THSD7B: variants seen among roughly 807,000 people sequenced by gnomAD.
THSD7B encodes thrombospondin type 1 domain containing 7B, also known as thrombospondin type-1 domain-containing protein 7B.
A neutral mutation model predicts 213.6 loss-of-function variants in THSD7B; 138 were observed. The ratio of observed to expected loss-of-function variants is 0.65; its 90% CI spans 0.56 to 0.74. The LOEUF (loss-of-function observed/expected upper bound fraction) is 0.74, where lower values mean the gene tolerates loss of function less well. Ranked by LOEUF, THSD7B falls within the 30% of genes least tolerant of loss-of-function variation. The probability of loss-of-function intolerance (pLI) is 0.00; values close to 1 mark genes in which losing one functional copy is unlikely to be tolerated. For synonymous variants in THSD7B, 742 were observed against 687.0 expected (o/e 1.08, Z -1.25); for missense variants, 1,931 against 1,991.5 (o/e 0.97, Z 0.58).
chr2:137,605,742 C>T (rs1390302898), intron 17 of THSD7B, among the ~76,000 whole-genome samples: 3 of 137,864 alleles, frequency 2.2e-5, no homozygotes, highest in Non-Finnish European at 4.6e-5. Flanking sequence ...GATCTCAGCT[C>T]ACTGCAACTT....
chr2:137,463,161 G>A (rs956866231), intron 15 of THSD7B, among the ~76,000 whole-genome samples: 4 of 152,138 alleles, frequency 2.6e-5, no homozygotes, highest in African/African-American at 9.7e-5. Context: ...CGATTGTCAT[G>A]TAAATAAAGA....
At chr2:137,203,062 T>C (rs1680911999) in intron 7 of THSD7B, among the ~76,000 whole-genome samples, 1 of 152,040 alleles carries the variant, frequency 6.6e-6, no homozygotes, top group East Asian at 1.9e-4. Context: ...AGTATTTTGT[T>C]TGGCTTTTTT....
intron 2 of THSD7B, among the ~76,000 whole-genome samples, chr2:136,922,078 T>C (rs1684446578): frequency 6.6e-6 from 1 of 152,222 alleles, no homozygotes; most frequent in Admixed American, 6.5e-5. Context: ...CCCTTCACTG[T>C]CTGTCCTCTT....
At chr2:137,160,782 C>G (rs1454127061) in intron 6 of THSD7B, among the ~76,000 whole-genome samples, 1 of 152,136 alleles carries the variant, frequency 6.6e-6, no homozygotes, top group Non-Finnish European at 1.5e-5. Context: ...TGCAACCAAG[C>G]CCTGCTAATT....
chr2:137,448,786 G>A (rs944376212), intron 14 of THSD7B, among the ~76,000 whole-genome samples: 16 of 149,184 alleles, frequency 1.1e-4, no homozygotes, highest in South Asian at 6.3e-4. Flanking sequence ...GCGACAGAGC[G>A]AGACTCCATC....
chr2:137,291,763 G>C (rs10210236), intron 12 of THSD7B, among the ~76,000 whole-genome samples: 1 of 151,768 alleles, frequency 6.6e-6, no homozygotes, highest in Non-Finnish European at 1.5e-5. Context: ...AGAATGAGAT[G>C]ATGAGAAAAT....
intron 2 of THSD7B, among the ~76,000 whole-genome samples, chr2:137,021,350 T>C (rs901585878): frequency 3.3e-5 from 5 of 152,240 alleles, no homozygotes; most frequent in African/African-American, 1.2e-4. Flanking sequence ...AAGTGCAGTT[T>C]TGTTACATGG....
intron 14 of THSD7B, among the ~76,000 whole-genome samples, chr2:137,419,442 G>T (rs2105024084): frequency 1.4e-5 from 2 of 143,888 alleles, no homozygotes; most frequent in Non-Finnish European, 3.1e-5. Flanking sequence ...AGAGAATAAT[G>T]TTACTGAGTG....
intron 2 of THSD7B, among the ~76,000 whole-genome samples, chr2:137,029,399 A>G (rs1686617526): frequency 1.3e-5 from 2 of 152,070 alleles, no homozygotes; most frequent in South Asian, 4.1e-4. Context: ...TGGGTAAAAA[A>G]TATCCCATTT....
chr2:137,456,983 G>T (rs1033831669), intron 15 of THSD7B, among the ~76,000 whole-genome samples: 4 of 152,072 alleles, frequency 2.6e-5, no homozygotes, highest in African/African-American at 9.7e-5. Flanking sequence ...CTCAAGTTGT[G>T]GCATTGCACT....
At chr2:137,075,530 A>G (rs199923226) in intron 3 of THSD7B, among the ~76,000 whole-genome samples, 1 of 151,918 alleles carries the variant, frequency 6.6e-6, no homozygotes, top group Non-Finnish European at 1.5e-5. Context: ...CATTGGTTCG[A>G]ATTTCCTCCT....
At chr2:137,368,346 C>CT (rs968263702) in intron 12 of THSD7B, among the ~76,000 whole-genome samples, 51 of 151,590 alleles carry the variant, frequency 3.4e-4, no homozygotes, top group African/African-American at 1.2e-3. Context: ...CCTTTTCTCT[C>CT]TTTTTTCACT....
chr2:137,539,468 T>G (rs936204062), intron 15 of THSD7B, among the ~76,000 whole-genome samples: 1 of 151,740 alleles, frequency 6.6e-6, no homozygotes, highest in Non-Finnish European at 1.5e-5. Context: ...CCTTCTGTTA[T>G]GTCTAAGCTT....
chr2:137,534,163 T>TA (rs1373893255), intron 15 of THSD7B, among the ~76,000 whole-genome samples: 1 of 151,722 alleles, frequency 6.6e-6, no homozygotes, highest in Non-Finnish European at 1.5e-5. Flanking sequence ...GATCTAGGTT[T>TA]ATTCTTTTAG....
chr2:137,057,208 G>C lies in THSD7B; in HGVS notation c.928G>C (p.Asp310His). Residue 310 changes from aspartate (D) to histidine (H), a missense_variant, in exon 3 of 28, where the codon GAT becomes CAT. By Grantham distance (81) the Asp-to-His change is moderately conservative. Transcript: ENST00000409968. ...QTRQVSCTRS[D>H]GQNAMLSLCL... ...CCGGCAGGTTTCGTGTACAAGAAGT[G>C]ATGGACAAAATGCTATGTTAAGGTA... 1 of 1,612,770 alleles carries C rather than the reference G, an allele frequency of 6.2e-7. No homozygotes were observed. The highest frequency in any genetic ancestry group is 8.5e-7 in the Non-Finnish European group (1 of 1,179,148).
Position 136,811,797 on chromosome 2 carries a change from C to A in THSD7B, c.-36+46110C>A, listed in dbSNP as rs1682381065. ...GTTCTGCTGAAATGTTTCTACATGG[C>A]AGCACAGGGGCCTCTTTTGCACATG... On this transcript the variant is annotated intron_variant, in intron 1 of 27. Coordinates refer to ENST00000409968, the MANE Select transcript of THSD7B (RefSeq NM_001316349.2). Among the ~76,000 whole-genome samples, 4 of 152,166 alleles carry A rather than the reference C, an allele frequency of 2.6e-5. No individual in the cohort carries two copies. In the South Asian group the frequency reaches 8.3e-4, roughly 31 times the overall value.
chr2:136,979,139 A>G (rs1362953180), intron 2 of THSD7B, among the ~76,000 whole-genome samples: 1 of 152,104 alleles, frequency 6.6e-6, no homozygotes, highest in Non-Finnish European at 1.5e-5. Context: ...TCTGGCTTGT[A>G]GGGTTTCCAC....
intron 12 of THSD7B, among the ~76,000 whole-genome samples, chr2:137,282,636 TC>T (rs1683055542): frequency 6.6e-6 from 1 of 152,210 alleles, no homozygotes; most frequent in African/African-American, 2.4e-5. Context: ...TAGCCAGTTT[TC>T]CCAGCACCAT....
At chr2:137,279,305 G>A (rs1682942714) in intron 12 of THSD7B, among the ~76,000 whole-genome samples, 1 of 152,250 alleles carries the variant, frequency 6.6e-6, no homozygotes, top group South Asian at 2.1e-4. Flanking sequence ...GAAGGCTGAG[G>A]TGAGAGGATT....
Sources: gnomAD v4.1 joint callset for allele counts (sites outside exome capture counted in the v4.1 genomes callset) on GRCh38, gnomAD v4.1.1 for gene constraint, MANE v1.5 for transcripts, NCBI Gene and HGNC (gene_info 2026-07-23, HGNC 2026-07-21) for gene names.